Variants in DEPTOR observed in about 807,000 individuals in gnomAD.
DEPTOR encodes DEP domain containing MTOR interacting protein.
DEPTOR carries 41 observed loss-of-function variants against 41.6 expected under a neutral mutation model. That is an observed-to-expected ratio of 0.98 (90% CI 0.77 to 1.28). DEPTOR has a LOEUF of 1.28. Ranked by LOEUF, DEPTOR falls within the 50% of genes most tolerant of loss-of-function variation. The pLI is 0.00. For synonymous variants in DEPTOR, 195 were observed against 192.3 expected (o/e 1.01, Z -0.12); for missense variants, 514 against 527.9 (o/e 0.97, Z 0.26).
chr8:120,048,194 A>G (rs568550773), intron 8 of DEPTOR, among the ~76,000 whole-genome samples: 2 of 152,230 alleles, frequency 1.3e-5, no homozygotes, highest in South Asian at 4.1e-4. Flanking sequence ...TTTTGGAAAA[A>G]GAAACCCCTG....
rs1171343298 is a variant in DEPTOR at position 120,050,238 on chromosome 8, C to CATAAAAA, written c.*537_*543dup. 1 of 151,572 alleles carries CATAAAAA rather than the reference C, an allele frequency of 6.6e-6. No individual in the cohort carries two copies. Among genetic ancestry groups the CATAAAAA allele is most frequent in the East Asian group, 1.9e-4 (1 of 5,170 alleles). 9.4% of individuals were successfully genotyped at this position (151,572 alleles called of 1,614,324 possible). On this transcript the variant is annotated 3_prime_UTR_variant, in exon 9 of 9. Transcript: ENST00000286234. ...CTAAAGCATTCAAGTGCTTAAAAGC[C>CATAAAAA]ATAAAAAATGACTTCTTAATTCCTG...
intron 8 of DEPTOR, among the ~76,000 whole-genome samples, chr8:120,009,633 C>CAAAACAA (rs35890665): frequency 3.0e-4 from 46 of 151,282 alleles, no homozygotes; most frequent in Non-Finnish European, 6.2e-4. Context: ...CAAAACAAAA[C>CAAAACAA]AACAACAACA....
chr8:120,033,183 G>A (rs1262396235), intron 8 of DEPTOR, among the ~76,000 whole-genome samples: 1 of 150,456 alleles, frequency 6.6e-6, no homozygotes, highest in Admixed American at 6.7e-5. Context: ...TGCCTCCCGG[G>A]TTCAAGCAAT....
At chr8:119,881,261 C>T (rs1190410282) in intron 1 of DEPTOR, among the ~76,000 whole-genome samples, 1 of 152,110 alleles carries the variant, frequency 6.6e-6, no homozygotes, top group African/African-American at 2.4e-5. Flanking sequence ...GTGGGTCAGG[C>T]CTGTAATCCT....
At chr8:120,000,780 TA>T (rs749318602) in intron 4 of DEPTOR, among the ~76,000 whole-genome samples, 14 of 151,578 alleles carry the variant, frequency 9.2e-5, no homozygotes, top group Non-Finnish European at 1.5e-4. Context: ...AAAAAGTTTT[TA>T]AAAATGAATT....
chr8:119,970,329 A>G (rs553831575), intron 4 of DEPTOR, among the ~76,000 whole-genome samples: 5 of 152,198 alleles, frequency 3.3e-5, no homozygotes, highest in Non-Finnish European at 7.3e-5. Context: ...ATTTTGTGGC[A>G]TTAGTATTAT....
At chr8:120,048,853 G>T (rs1480037708) in intron 8 of DEPTOR, among the ~76,000 whole-genome samples, 1 of 152,078 alleles carries the variant, frequency 6.6e-6, no homozygotes, top group Non-Finnish European at 1.5e-5. Flanking sequence ...TAGAAGAGGA[G>T]AAATTACTTG....
At chr8:120,025,207 C>T (rs1278930712) in intron 8 of DEPTOR, among the ~76,000 whole-genome samples, 1 of 152,158 alleles carries the variant, frequency 6.6e-6, no homozygotes, top group Non-Finnish European at 1.5e-5. Flanking sequence ...TTGGCAGGAA[C>T]GTTACTGGGT....
chr8:119,887,184 C>T (rs1255377468), intron 1 of DEPTOR, among the ~76,000 whole-genome samples: 1 of 115,354 alleles, frequency 8.7e-6, no homozygotes, highest in Non-Finnish European at 1.8e-5. Context: ...CTTCCCTTCC[C>T]TTCTTTCTGG....
Position 119,925,439 on chromosome 8 carries a change from C to CA in DEPTOR, c.123-2953dup, listed in dbSNP as rs758970137. ...AAAACAACAACAACGAGAACAACAA[C>CA]AAAAAAAACCCATCAGATCTTGAGA... On this transcript the variant is annotated intron_variant, in intron 1 of 8. Transcript: ENST00000286234. 2.2e-4 allele frequency among the ~76,000 whole-genome samples: 34 copies of CA among 151,644 alleles called. No individual in the cohort carries two copies. In the East Asian group the frequency reaches 5.0e-3, roughly 22 times the overall value.
At chr8:119,901,227 TG>T (rs1432696695) in intron 1 of DEPTOR, among the ~76,000 whole-genome samples, 1 of 152,342 alleles carries the variant, frequency 6.6e-6, no homozygotes, top group African/African-American at 2.4e-5. Flanking sequence ...GGTCTTTTTA[TG>T]TTTCAGTCTG....
intron 1 of DEPTOR, among the ~76,000 whole-genome samples, chr8:119,880,699 T>C (rs529799909): frequency 6.6e-6 from 1 of 152,342 alleles, no homozygotes; most frequent in African/African-American, 2.4e-5. Context: ...CTCTACTAAA[T>C]ATTAAACTCA....
At chr8:120,001,377 G>A in intron 4 of DEPTOR, 148 bp from the exon 5 acceptor site, 3 of 650,650 alleles carry the variant, frequency 4.6e-6, no homozygotes, top group Admixed American at 6.8e-5. Context: ...TGGAACCATG[G>A]GCGGATGGGC....
At chr8:119,893,438 C>T (rs1164360201) in intron 1 of DEPTOR, among the ~76,000 whole-genome samples, 3 of 152,128 alleles carry the variant, frequency 2.0e-5, no homozygotes, top group Non-Finnish European at 4.4e-5. Flanking sequence ...ATTTTTGGTT[C>T]CTTCATGTTG....
At chr8:119,990,749 C>T (rs1299536935) in intron 4 of DEPTOR, among the ~76,000 whole-genome samples, 1 of 152,198 alleles carries the variant, frequency 6.6e-6, no homozygotes, top group Non-Finnish European at 1.5e-5. Context: ...GTCCTACAAT[C>T]AATTTCCTGC....
intron 1 of DEPTOR, among the ~76,000 whole-genome samples, chr8:119,917,115 G>A (rs190099979): frequency 5.9e-5 from 9 of 152,266 alleles, no homozygotes; most frequent in African/African-American, 1.9e-4. Flanking sequence ...AGAGATCTAC[G>A]GGGCTGTGTG....
At chr8:119,965,181 T>A (rs530207572) in intron 3 of DEPTOR, 51 bp from the exon 4 acceptor site, 1 of 1,540,412 alleles carries the variant, frequency 6.5e-7, no homozygotes, top group South Asian at 1.3e-5. Context: ...TCAAATGAGC[T>A]GTTTTCCTTT....
rs191205372 is a variant in DEPTOR at position 119,940,764 on chromosome 8, A to T, written c.425+10826A>T. 1.2e-3 allele frequency among the ~76,000 whole-genome samples: 183 copies of T among 152,168 alleles called. 1 individual carries two copies. Among genetic ancestry groups the T allele is most frequent in the Middle Eastern group, 3.4e-3 (1 of 294 alleles). Reference sequence around the variant, plus strand: ...AAATTAAAAAAAGAATAATAATTTTAAAAAAAAGAAAAATTATTCTGACAC... The same window carrying T: ...AAATTAAAAAAAGAATAATAATTTTTAAAAAAAGAAAAATTATTCTGACAC... On this transcript the variant is annotated intron_variant, in intron 3 of 8. Coordinates refer to ENST00000286234, the MANE Select transcript of DEPTOR (RefSeq NM_022783.4).
rs149497313 is a variant in DEPTOR, at chr8:120,005,173, G to A, written c.926-1632G>A. ...TCATAAGCCCCCTGAGGGTTTATGG[G>A]GAGTGGAGAGAGAGTTACCTGACAG... On this transcript the variant is annotated intron_variant, in intron 6 of 8. Transcript: ENST00000286234. Among the ~76,000 whole-genome samples, 1,087 of 152,224 alleles carry A rather than the reference G, an allele frequency of 7.1e-3. 13 individuals carry two copies. Among genetic ancestry groups the A allele is most frequent in the Non-Finnish European group, 8.1e-3 (553 of 68,012 alleles).
Sources: allele counts gnomAD v4.1 joint callset (sites outside exome capture counted in the v4.1 genomes callset), GRCh38; gene constraint gnomAD v4.1.1; transcripts MANE v1.5; gene names NCBI Gene and HGNC (gene_info 2026-07-23, HGNC 2026-07-21).